PRKN: variants seen among roughly 807,000 people sequenced by gnomAD.
PRKN encodes E3 ubiquitin-protein ligase parkin.
PRKN carries 56 observed loss-of-function variants against 59.5 expected under a neutral mutation model. That is an observed-to-expected ratio of 0.94 (90% CI 0.76 to 1.18). The LOEUF is 1.18. Ranked by LOEUF, PRKN falls within the 50% of genes most tolerant of loss-of-function variation. PRKN has a pLI of 0.00. For missense variants in PRKN, 657 were observed against 596.4 expected (o/e 1.10, Z -1.06); for synonymous variants, 250 against 222.1 (o/e 1.13, Z -1.12).
intron 7 of PRKN, among the ~76,000 whole-genome samples, chr6:161,589,475 ATTTT>A (rs1169210782): frequency 2.0e-5 from 3 of 146,472 alleles, no homozygotes; most frequent in Non-Finnish European, 3.0e-5. Context: ...GGAAATACAG[ATTTT>A]TTTTTTTTTC....
At chr6:161,635,532 C>G (rs1783481021) in intron 7 of PRKN, among the ~76,000 whole-genome samples, 1 of 152,258 alleles carries the variant, frequency 6.6e-6, no homozygotes, top group Admixed American at 6.5e-5. Context: ...ATTACAAGGA[C>G]ATCGGTGTGC....
chr6:162,425,191 T>C (rs888744142), intron 2 of PRKN, among the ~76,000 whole-genome samples: 1 of 152,184 alleles, frequency 6.6e-6, no homozygotes, highest in African/African-American at 2.4e-5. Flanking sequence ...CCTTATACTA[T>C]TTATATAGTC....
intron 6 of PRKN, among the ~76,000 whole-genome samples, chr6:161,971,287 C>T (rs762857833): frequency 4.6e-5 from 7 of 152,152 alleles, no homozygotes; most frequent in Non-Finnish European, 5.9e-5. Context: ...ACGGGGAGGG[C>T]AACGCTCTTA....
intron 10 of PRKN, among the ~76,000 whole-genome samples, chr6:161,366,393 GATGCCCACACTGA>G (rs1378728705): frequency 2.6e-5 from 4 of 152,170 alleles, no homozygotes; most frequent in Non-Finnish European, 4.4e-5. Context: ...CCCTCATGGA[GATGCCCACACTGA>G]AGGTCAGAGA....
chr6:162,457,971 T>A (rs1790961229), intron 1 of PRKN, among the ~76,000 whole-genome samples: 1 of 151,822 alleles, frequency 6.6e-6, no homozygotes, highest in Admixed American at 6.6e-5. Flanking sequence ...AACACAAAAA[T>A]TAGGCTGGGT....
chr6:161,975,128 C>T lies in PRKN; in HGVS notation c.619-1711G>A, dbSNP rs1171618350. The stretch of plus-strand genomic sequence containing the variant: ...TTTTTGAGACGGAGTCTCTGCCTTC[C>T]AGGCTGGAGTGCAGTGGCGCGATCT... On this transcript the variant is annotated intron_variant, in intron 5 of 11. Coordinates refer to ENST00000366898, the MANE Select transcript of PRKN (RefSeq NM_004562.3). Among the ~76,000 whole-genome samples the T allele has an allele frequency of 2.7e-5, 4 of 147,770 alleles. No individual in the cohort carries two copies. In the Admixed American group the frequency reaches 2.7e-4, roughly 10 times the overall value.
At chr6:162,544,966 C>A (rs548742059) in intron 1 of PRKN, among the ~76,000 whole-genome samples, 1 of 150,064 alleles carries the variant, frequency 6.7e-6, no homozygotes, top group Non-Finnish European at 1.5e-5. Flanking sequence ...TGTGAGCCAC[C>A]GCGCCCGGCC....
intron 7 of PRKN, among the ~76,000 whole-genome samples, chr6:161,635,137 A>T (rs761489797): frequency 1.3e-5 from 2 of 152,196 alleles, no homozygotes; most frequent in Non-Finnish European, 2.9e-5. Context: ...TTGATAATTT[A>T]CCAAACCCCA....
intron 1 of PRKN, among the ~76,000 whole-genome samples, chr6:162,452,900 G>A (rs561248368): frequency 9.7e-5 from 14 of 144,566 alleles, no homozygotes; most frequent in South Asian, 6.7e-4. Context: ...TAAAAAATAC[G>A]CCAAGTAAAA....
intron 10 of PRKN, among the ~76,000 whole-genome samples, chr6:161,383,205 A>C (rs150748141): frequency 1.8e-4 from 27 of 152,292 alleles, no homozygotes; most frequent in Non-Finnish European, 3.5e-4. Flanking sequence ...AAATGTAGGG[A>C]ACAGAAAATA....
rs145680902 is a variant in PRKN at position 161,461,225 on chromosome 6, G to C, written c.1084-74348C>G. On this transcript the variant is annotated intron_variant, in intron 9 of 11. Transcript: ENST00000366898. This position sits in a 1 kb window ranked among gnomAD's most constrained non-coding sequence, Gnocchi z 5.1. ...AAGCAGCGGCCTGTGCAAAGGTCTG[G>C]AGGTCTGAAAAGTACTCAGTGAGTT... 1.9e-3 allele frequency among the ~76,000 whole-genome samples: 293 copies of C among 152,322 alleles called. No individual in the cohort carries two copies. The highest frequency in any genetic ancestry group is 6.9e-3 in the African/African-American group (286 of 41,574).
In PRKN at chr6:161,417,307, G is replaced by A. The variant is rs952747573; in HGVS notation, c.1084-30430C>T. ...TCTACTAAAAATACAAAAATTAGCC[G>A]GGTGTGGTGGCGCCTGCCTGTAGTC... On this transcript the variant is annotated intron_variant, in intron 9 of 11. Transcript: ENST00000366898. The surrounding 1 kb of genome is among the most constrained non-coding windows in gnomAD (Gnocchi z 5.4). Among the ~76,000 whole-genome samples the A allele has an allele frequency of 1.3e-5, 2 of 151,990 alleles. No individual in the cohort carries two copies. The highest frequency in any genetic ancestry group is 1.5e-5 in the Non-Finnish European group (1 of 68,020).
chr6:161,934,948 C>T (rs1273216290), intron 6 of PRKN, among the ~76,000 whole-genome samples: 2 of 151,988 alleles, frequency 1.3e-5, no homozygotes, highest in Non-Finnish European at 2.9e-5. Context: ...TAAATAGATG[C>T]TAGAAATAAT....
At chr6:161,931,701 T>C (rs1195698013) in intron 6 of PRKN, among the ~76,000 whole-genome samples, 1 of 152,104 alleles carries the variant, frequency 6.6e-6, no homozygotes, top group Non-Finnish European at 1.5e-5. Context: ...AAGCAAAGGG[T>C]TTCTCTGAGT....
chr6:161,933,238 C>T (rs1476256437), intron 6 of PRKN, among the ~76,000 whole-genome samples: 1 of 152,084 alleles, frequency 6.6e-6, no homozygotes, highest in Non-Finnish European at 1.5e-5. Context: ...TGAGATCAGC[C>T]ACTGCACTCC....
chr6:162,399,331 G>C (rs1787643220), intron 2 of PRKN, among the ~76,000 whole-genome samples: 1 of 152,164 alleles, frequency 6.6e-6, no homozygotes, highest in South Asian at 2.1e-4. Flanking sequence ...TTGGTTTAGA[G>C]TAACAGAGGA....
At chr6:162,469,427 G>A (rs944226412) in intron 1 of PRKN, among the ~76,000 whole-genome samples, 3 of 151,622 alleles carry the variant, frequency 2.0e-5, no homozygotes, top group African/African-American at 7.3e-5. Context: ...CACAGTTCCA[G>A]GTTGCAAAAA....
At chr6:161,716,972 G>T (rs551735768) in intron 7 of PRKN, among the ~76,000 whole-genome samples, 1 of 152,146 alleles carries the variant, frequency 6.6e-6, no homozygotes, top group Non-Finnish European at 1.5e-5. Flanking sequence ...GCTGGTTATC[G>T]GAGGGTAACA....
chr6:161,649,257 G>A (rs1409939897), intron 7 of PRKN, among the ~76,000 whole-genome samples: 1 of 152,130 alleles, frequency 6.6e-6, no homozygotes. Flanking sequence ...TATGGTGAGC[G>A]CCGTTCACAA....
Sources: gnomAD v4.1 joint callset for allele counts (sites outside exome capture counted in the v4.1 genomes callset) on GRCh38, gnomAD v4.1.1 for gene constraint, Gnocchi (gnomAD v3.1) non-coding constraint, MANE v1.5 for transcripts, NCBI Gene and HGNC (gene_info 2026-07-23, HGNC 2026-07-21) for gene names.